The following CFAP299 variants were observed in gnomAD, a reference collection of about 807,000 sequenced individuals.
CFAP299 encodes cilia and flagella associated protein 299, also known as cilia- and flagella-associated protein 299.
In CFAP299, 21 loss-of-function variants were observed where a neutral mutation model predicts 27.0. The ratio of observed to expected loss-of-function variants is 0.78; its 90% CI spans 0.55 to 1.12. The LOEUF (loss-of-function observed/expected upper bound fraction) is 1.12. CFAP299 is among the 50% of genes most tolerant of loss of function. The pLI, the probability that CFAP299 is intolerant of heterozygous loss-of-function variation, is 0.00. For synonymous variants in CFAP299, 104 were observed against 98.1 expected, an observed-to-expected ratio of 1.06 and a Z score of -0.36; for missense variants, 310 against 276.6, an observed-to-expected ratio of 1.12 and a Z score of -0.86.
intron 2 of CFAP299, among the ~76,000 whole-genome samples, chr4:80,570,940 AAAG>A (rs1735553165): frequency 6.6e-6 from 1 of 152,174 alleles, no homozygotes; most frequent in African/African-American, 2.4e-5. Flanking sequence ...TGGAAATGCT[AAAG>A]AAACAATATA....
intron 3 of CFAP299, among the ~76,000 whole-genome samples, chr4:80,814,764 G>T (rs994426802): frequency 6.6e-6 from 1 of 151,316 alleles, no homozygotes; most frequent in Non-Finnish European, 1.5e-5. Context: ...GTGAATATTG[G>T]CACTAGAAAA....
At chr4:80,642,304 GGTT>G (rs1577966771) in intron 3 of CFAP299, among the ~76,000 whole-genome samples, 1 of 152,150 alleles carries the variant, frequency 6.6e-6, no homozygotes, top group Admixed American at 6.6e-5. Context: ...TGAATATCCT[GGTT>G]GTTATGGAAA....
intron 2 of CFAP299, 96 bp downstream of exon 2, chr4:80,362,980 G>A (rs1486835064): frequency 1.5e-6 from 2 of 1,347,758 alleles, no homozygotes; most frequent in Non-Finnish European, 2.0e-6. Flanking sequence ...GAAGCACTGG[G>A]TGGAGCAGGT....
chr4:80,655,063 G>T (rs988018330), intron 3 of CFAP299, among the ~76,000 whole-genome samples: 2 of 151,990 alleles, frequency 1.3e-5, no homozygotes, highest in African/African-American at 4.8e-5. Context: ...GAATTCTAGG[G>T]CGATGCCAGT....
intron 3 of CFAP299, among the ~76,000 whole-genome samples, chr4:80,838,386 T>C (rs1000182245): frequency 5.9e-5 from 9 of 152,212 alleles, no homozygotes; most frequent in Non-Finnish European, 1.0e-4. Flanking sequence ...TAGGGTTTTA[T>C]GGTTTTAGGT....
chr4:80,488,108 T>C (rs990128102), intron 2 of CFAP299, among the ~76,000 whole-genome samples: 1 of 152,246 alleles, frequency 6.6e-6, no homozygotes, highest in Non-Finnish European at 1.5e-5. Flanking sequence ...GACAAAGTAC[T>C]GTTGCCTATT....
At chr4:80,407,069 C>T (rs1459345203) in intron 2 of CFAP299, among the ~76,000 whole-genome samples, 2 of 151,280 alleles carry the variant, frequency 1.3e-5, no homozygotes, top group African/African-American at 4.9e-5. Context: ...TAATAGTAGT[C>T]AATGAGGTTA....
rs562556442 is a variant in CFAP299, at chr4:80,492,774, C to G, written c.243-90319C>G. ...GAAGGGTTTTCTCCTGGGCAAAGGC[C>G]TTTATCATGGTTTCTACAGGAAAGG... On this transcript the variant is annotated intron_variant, in intron 2 of 5. Transcript: ENST00000358105. 3.9e-5 allele frequency among the ~76,000 whole-genome samples: 6 copies of G among 152,184 alleles called. No individual in the cohort carries two copies. The South Asian group carries it at 1.2e-3, about 32-fold the overall frequency.
intron 3 of CFAP299, among the ~76,000 whole-genome samples, chr4:80,864,536 G>T (rs1003614404): frequency 1.4e-5 from 2 of 144,620 alleles, no homozygotes; most frequent in African/African-American, 5.1e-5. Context: ...ATACATATAC[G>T]TATATATAGG....
intron 3 of CFAP299, among the ~76,000 whole-genome samples, chr4:80,632,749 C>T (rs1407384605): frequency 3.3e-5 from 5 of 150,878 alleles, no homozygotes; most frequent in African/African-American, 1.2e-4. Flanking sequence ...ACTTAAACAT[C>T]ACAGAACTAA....
intron 2 of CFAP299, chr4:80,386,076 G>A (rs1578382023): frequency 2.3e-6 from 1 of 440,992 alleles, no homozygotes; most frequent in East Asian, 3.2e-5. Flanking sequence ...CCAATGGCTC[G>A]ATGGCTCGCT....
intron 2 of CFAP299, among the ~76,000 whole-genome samples, chr4:80,453,181 A>T (rs372308538): frequency 1.3e-5 from 2 of 152,200 alleles, no homozygotes; most frequent in South Asian, 2.1e-4. Context: ...AAGCAGTGAG[A>T]ACTCAATCCC....
chr4:80,726,550 G>C (rs945997959), intron 3 of CFAP299, among the ~76,000 whole-genome samples: 6 of 151,974 alleles, frequency 3.9e-5, no homozygotes, highest in Middle Eastern at 3.4e-3. Flanking sequence ...ATAATGGAAA[G>C]GAAAAGAAAC....
At chr4:80,409,101 A>C (rs1370227330) in intron 2 of CFAP299, among the ~76,000 whole-genome samples, 1 of 151,898 alleles carries the variant, frequency 6.6e-6, no homozygotes, top group Non-Finnish European at 1.5e-5. Flanking sequence ...AGGAAACTAT[A>C]TAATTCTGAC....
intron 3 of CFAP299, among the ~76,000 whole-genome samples, chr4:80,678,671 T>G (rs913145848): frequency 6.6e-6 from 1 of 152,040 alleles, no homozygotes; most frequent in Non-Finnish European, 1.5e-5. Flanking sequence ...CTAATACAAT[T>G]ATTAGTATCA....
Position 80,672,995 on chromosome 4 carries a change from G to T in CFAP299, c.333+89812G>T, listed in dbSNP as rs1428783797. 6.1e-4 allele frequency among the ~76,000 whole-genome samples: 89 copies of T among 146,576 alleles called. 1 individual carries two copies. Among genetic ancestry groups the T allele is most frequent in the Admixed American group, 1.1e-3 (16 of 14,724 alleles). On this transcript the variant is annotated intron_variant, in intron 3 of 5. Coordinates refer to ENST00000358105, the MANE Select transcript of CFAP299 (RefSeq NM_152770.3). ...CATTGATTTTTTGAAGGGTTTTTTT[G>T]TGTCTCTATCTCCTTCAGTTCTGCT...
intron 3 of CFAP299, among the ~76,000 whole-genome samples, chr4:80,849,700 G>A (rs1731400771): frequency 6.6e-6 from 1 of 152,108 alleles, no homozygotes; most frequent in Admixed American, 6.6e-5. Context: ...GAGAATTGTG[G>A]TTACCAGAGG....
At chr4:80,333,743 A>T (rs1055103514), upstream of CFAP299, among the ~76,000 whole-genome samples, 1 of 152,180 alleles carries the variant, frequency 6.6e-6, no homozygotes, top group African/African-American at 2.4e-5. Context: ...CAAAGAATGG[A>T]ATTTCTGGGA....
intron 3 of CFAP299, among the ~76,000 whole-genome samples, chr4:80,711,959 T>A (rs967704654): frequency 6.6e-6 from 1 of 152,190 alleles, no homozygotes; most frequent in Admixed American, 6.5e-5. Flanking sequence ...TAAAATTGCA[T>A]CCTTTGCTTG....
Sources: allele counts gnomAD v4.1 joint callset (sites outside exome capture counted in the v4.1 genomes callset), GRCh38; gene constraint gnomAD v4.1.1; transcripts MANE v1.5; gene names NCBI Gene and HGNC (gene_info 2026-07-23, HGNC 2026-07-21).